The following MARCO variants were observed in gnomAD, a reference collection of about 807,000 sequenced individuals.
MARCO encodes the protein macrophage receptor MARCO.
A neutral mutation model predicts 70.0 loss-of-function variants in MARCO; 72 were observed. That is an observed-to-expected ratio of 1.03 (90% CI 0.85 to 1.25). The LOEUF (loss-of-function observed/expected upper bound fraction) is 1.25, where lower values mean the gene tolerates loss of function less well. MARCO is among the 50% of genes most tolerant of loss of function. The pLI, the probability that MARCO is intolerant of heterozygous loss-of-function variation, is 0.00. For synonymous variants in MARCO, 273 were observed against 243.1 expected (o/e 1.12, Z -1.14); for missense variants, 696 against 659.3 (o/e 1.06, Z -0.61).
At chr2:118,974,717 G>A in intron 6 of MARCO, 152 bp downstream of exon 6, 1 of 800,396 alleles carries the variant, frequency 1.2e-6, no homozygotes, top group Non-Finnish European at 2.0e-6. Flanking sequence ...GAGGGGATGA[G>A]AGGCTGGGAA....
intron 13 of MARCO, 41 bp downstream of exon 13, chr2:118,990,674 G>C (rs199542007): frequency 6.3e-7 from 1 of 1,597,160 alleles, no homozygotes; most frequent in Non-Finnish European, 8.6e-7. Flanking sequence ...GAGTGATGAC[G>C]GGGAAGGCCT....
chr2:118,971,471 G>A, intron 3 of MARCO, 28 bp from the exon 4 acceptor site: 1 of 1,613,494 alleles, frequency 6.2e-7, no homozygotes, highest in Non-Finnish European at 8.5e-7. Flanking sequence ...CCACAGCTCA[G>A]CTGCAGCTCA....
intron 14 of MARCO, among the ~76,000 whole-genome samples, 177 bp from the exon 15 acceptor site, chr2:118,992,255 C>T (rs1488127495): frequency 6.6e-6 from 1 of 152,174 alleles, no homozygotes; most frequent in East Asian, 1.9e-4. Context: ...CCGTTTCTTC[C>T]TGCTCAGTCA....
intron 1 of MARCO, among the ~76,000 whole-genome samples, chr2:118,954,537 A>T (rs1176392032): frequency 6.6e-6 from 1 of 152,150 alleles, no homozygotes. Context: ...CTAGGGCCAC[A>T]CCCACTGCCA....
intron 1 of MARCO, among the ~76,000 whole-genome samples, chr2:118,962,990 T>C (rs1558834002): frequency 6.6e-6 from 1 of 152,040 alleles, no homozygotes; most frequent in African/African-American, 2.4e-5. Context: ...TTCTTTCATT[T>C]TTATTTTTGT....
rs1471386148 is a variant in MARCO, at chr2:118,971,622, A to G, written c.460+88A>G. ...TTGGCCTGTGCCATTCTGGGTCTGG[A>G]CAGCTGACCCTAGCTTACCTTCCCC... On this transcript the variant is annotated intron_variant, in intron 4 of 16. Transcript: ENST00000327097. 2.2e-6 allele frequency: 3 copies of G among 1,342,094 alleles called. No homozygotes were observed. The African/African-American group carries it at 4.4e-5, about 20-fold the overall frequency. 83.1% of individuals were successfully genotyped at this position (1,342,094 alleles called of 1,614,324 possible). A position where few individuals can be genotyped will look rare whatever the true frequency, so the allele number is the denominator to read the frequency against.
chr2:118,963,117 T>C (rs566297299), intron 1 of MARCO, among the ~76,000 whole-genome samples: 1 of 151,678 alleles, frequency 6.6e-6, no homozygotes, highest in South Asian at 2.1e-4. Flanking sequence ...TTCTTATCTT[T>C]ATTATTTCCT....
At chr2:118,981,177 T>C (rs1680381115) in intron 8 of MARCO, among the ~76,000 whole-genome samples, 1 of 152,160 alleles carries the variant, frequency 6.6e-6, no homozygotes, top group Non-Finnish European at 1.5e-5. Flanking sequence ...TTCTGTTGAC[T>C]GTCAGCCATA....
chr2:118,989,439 G>A (rs1385810257), intron 12 of MARCO, among the ~76,000 whole-genome samples: 3 of 152,158 alleles, frequency 2.0e-5, no homozygotes, highest in Admixed American at 6.5e-5. Context: ...GGTCTGCAGC[G>A]GCAGCTCCCA....
At chr2:118,971,569 T>G (rs768113642) in intron 4 of MARCO, 35 bp downstream of exon 4, 1 of 1,611,934 alleles carries the variant, frequency 6.2e-7, no homozygotes, top group South Asian at 1.1e-5. Flanking sequence ...ACCCTGCTCT[T>G]TCCCCAAAAC....
intron 15 of MARCO, among the ~76,000 whole-genome samples, chr2:118,992,840 T>G (rs1322328120): frequency 2.0e-5 from 3 of 151,838 alleles, no homozygotes; most frequent in African/African-American, 7.3e-5. Context: ...CTTTCCTTTT[T>G]TTCTCTCCAC....
intron 1 of MARCO, among the ~76,000 whole-genome samples, chr2:118,959,976 G>A (rs1418766046): frequency 6.6e-6 from 1 of 151,978 alleles, no homozygotes; most frequent in African/African-American, 2.4e-5. Flanking sequence ...GGAGGGTGGT[G>A]ACGGATAAAA....
At chr2:118,969,014 G>A in intron 1 of MARCO, 146 bp from the exon 2 acceptor site, 1 of 643,564 alleles carries the variant, frequency 1.6e-6, no homozygotes, top group Non-Finnish European at 2.8e-6. Context: ...ATTGGGGGAT[G>A]ATTTGGGAGT....
At chr2:118,989,440 G>A (rs1006389468) in intron 12 of MARCO, among the ~76,000 whole-genome samples, 14 of 152,172 alleles carry the variant, frequency 9.2e-5, no homozygotes, top group Middle Eastern at 3.2e-3. Flanking sequence ...GTCTGCAGCG[G>A]CAGCTCCCAG....
At chr2:118,972,598 G>A (rs1286218188) in intron 4 of MARCO, among the ~76,000 whole-genome samples, 2 of 152,160 alleles carry the variant, frequency 1.3e-5, no homozygotes, top group Non-Finnish European at 1.5e-5. Context: ...AACAATAAAT[G>A]TACACCTCTT....
At chr2:118,946,075 T>C (rs1293684041) in intron 1 of MARCO, among the ~76,000 whole-genome samples, 1 of 152,204 alleles carries the variant, frequency 6.6e-6, no homozygotes, top group Admixed American at 6.5e-5. Flanking sequence ...CAGAGTTTAG[T>C]CTTAACTTTT....
At chr2:118,989,200 G>A (rs1272838630) in intron 12 of MARCO, among the ~76,000 whole-genome samples, 1 of 152,224 alleles carries the variant, frequency 6.6e-6, no homozygotes, top group East Asian at 1.9e-4. Context: ...CTAAATGTGA[G>A]TTCTCCAGGT....
chr2:118,965,436 C>A (rs1680026759), intron 1 of MARCO, among the ~76,000 whole-genome samples: 1 of 151,990 alleles, frequency 6.6e-6, no homozygotes, highest in African/African-American at 2.4e-5. Flanking sequence ...TTTTGGTGAG[C>A]TTTTAAAAAA....
At chr2:118,982,308 TA>T (rs1680409577) in intron 11 of MARCO, 39 bp from the exon 12 acceptor site, 1 of 1,612,784 alleles carries the variant, frequency 6.2e-7, no homozygotes, top group Non-Finnish European at 8.5e-7. Flanking sequence ...AAAACCTGCC[TA>T]GTCCAGCCCT....
Sources: gnomAD v4.1 joint callset for allele counts (sites outside exome capture counted in the v4.1 genomes callset) on GRCh38, gnomAD v4.1.1 for gene constraint, MANE v1.5 for transcripts, NCBI Gene and HGNC (gene_info 2026-07-23, HGNC 2026-07-21) for gene names.